CLVS1: variants seen among roughly 807,000 people sequenced by gnomAD.
CLVS1 encodes clavesin-1.
In CLVS1, 10 loss-of-function variants were observed where a neutral mutation model predicts 33.1. That is an observed-to-expected ratio of 0.30 (90% CI 0.19 to 0.51). The LOEUF (loss-of-function observed/expected upper bound fraction) is 0.51, where lower values mean the gene tolerates loss of function less well. Ranked by LOEUF, CLVS1 falls within the 20% of genes least tolerant of loss-of-function variation. The pLI, the probability that CLVS1 is intolerant of heterozygous loss-of-function variation, is 0.97. For missense variants in CLVS1, 343 were observed against 433.4 expected (o/e 0.79, Z 1.85); for synonymous variants, 163 against 166.1 (o/e 0.98, Z 0.14).
chr8:61,191,628 A>C (rs973138540), intron 2 of CLVS1, among the ~76,000 whole-genome samples: 7 of 152,218 alleles, frequency 4.6e-5, no homozygotes, highest in Admixed American at 1.3e-4. Context: ...AGAAAATCCC[A>C]TCATCTCAGC....
chr8:61,325,461 G>A (rs919884795), intron 2 of CLVS1, among the ~76,000 whole-genome samples: 1 of 152,128 alleles, frequency 6.6e-6, no homozygotes, highest in Non-Finnish European at 1.5e-5. Flanking sequence ...TTTGTTCCAA[G>A]CTATTAGTGT....
At chr8:61,227,162 T>C (rs945040797) in intron 2 of CLVS1, among the ~76,000 whole-genome samples, 2 of 152,024 alleles carry the variant, frequency 1.3e-5, no homozygotes, top group Non-Finnish European at 2.9e-5. Flanking sequence ...GCAGTGTAGA[T>C]GTGTCCTAAT....
rs200912224 is a variant in CLVS1 at position 61,087,951 on chromosome 8, C to T, written c.-243+30721C>T. Among the ~76,000 whole-genome samples the T allele has an allele frequency of 3.0e-4, 46 of 152,296 alleles. 1 individual carries two copies. The South Asian group carries it at 8.1e-3, about 27-fold the overall frequency. On this transcript the variant is annotated intron_variant, in intron 1 of 2. Coordinates refer to the CLVS1 transcript ENST00000522621. ...CAATCCTATCTTTTGTCCTGCTCCC[C>T]GTTAATCAATATCTTGATATTTGGT... is the stretch of plus-strand genomic sequence containing the variant.
rs116442547 is a variant in CLVS1, at chr8:61,166,746, G to T, written c.-152+34886G>T. Among the ~76,000 whole-genome samples, 393 of 152,102 alleles carry T rather than the reference G, an allele frequency of 2.6e-3. 1 individual carries two copies. Among genetic ancestry groups the T allele is most frequent in the African/African-American group, 9.2e-3 (381 of 41,508 alleles). Reference sequence around the variant, plus strand: ...CCCCCTTTAAAATGCAAATTTCAATGCAAAGAGCCGGGAAACAGGAATTTC... The same window carrying T: ...CCCCCTTTAAAATGCAAATTTCAATTCAAAGAGCCGGGAAACAGGAATTTC... On this transcript the variant is annotated intron_variant, in intron 2 of 2. Coordinates refer to the CLVS1 transcript ENST00000522621.
At chr8:61,436,497 T>C (rs938606957) in intron 3 of CLVS1, among the ~76,000 whole-genome samples, 43 of 152,274 alleles carry the variant, frequency 2.8e-4, no homozygotes, top group African/African-American at 9.9e-4. Flanking sequence ...TTATTCAGCC[T>C]CTCAGGAGCA....
chr8:61,005,617 C>T, the CLVS1 span, among the ~76,000 whole-genome samples: 1 of 152,148 alleles, frequency 6.6e-6, no homozygotes, highest in Non-Finnish European at 1.5e-5. Context: ...CCAAAGGTAA[C>T]AAGTATGGAC....
rs559712409 is a variant in CLVS1 at position 61,195,231 on chromosome 8, T to G, written c.-152+63371T>G. On this transcript the variant is annotated intron_variant, in intron 2 of 2. Transcript: ENST00000522621. ...ACAGAGAATCAACAAAGTCAAAAGT[T>G]TTTTTAAAGACTGATAAAATTGACA... is the stretch of plus-strand genomic sequence containing the variant. Among the ~76,000 whole-genome samples the G allele has an allele frequency of 3.3e-5, 5 of 151,916 alleles. 1 individual carries two copies. Among genetic ancestry groups the G allele is most frequent in the African/African-American group, 1.2e-4 (5 of 41,474 alleles).
At chr8:61,140,768 G>A (rs1806293611) in intron 2 of CLVS1, among the ~76,000 whole-genome samples, 1 of 151,888 alleles carries the variant, frequency 6.6e-6, no homozygotes, top group Non-Finnish European at 1.5e-5. Flanking sequence ...GGGTTTCACC[G>A]TGTTAGCCAG....
At chr8:61,488,398 A>AT (rs898802517) in intron 5 of CLVS1, among the ~76,000 whole-genome samples, 6 of 152,160 alleles carry the variant, frequency 3.9e-5, no homozygotes, top group Non-Finnish European at 8.8e-5. Context: ...GTTTAACGGA[A>AT]TTTTTTTGTT....
intron 2 of CLVS1, among the ~76,000 whole-genome samples, chr8:61,340,092 AAAAG>A (rs984254506): frequency 5.9e-5 from 9 of 151,978 alleles, no homozygotes; most frequent in East Asian, 5.8e-4. Context: ...GAAAGAAAGA[AAAAG>A]AAAGAAAAGA....
At chr8:61,495,569 A>T (rs1396156059) in intron 5 of CLVS1, among the ~76,000 whole-genome samples, 1 of 152,206 alleles carries the variant, frequency 6.6e-6, no homozygotes, top group Non-Finnish European at 1.5e-5. Context: ...ATCCAAAAGG[A>T]TGGAGATAGA....
the CLVS1 span, among the ~76,000 whole-genome samples, chr8:61,032,988 G>GAAA: frequency 1.4e-3 from 108 of 75,112 alleles, 1 homozygote; most frequent in African/African-American, 7.2e-3. Flanking sequence ...AAGGAAGGAA[G>GAAA]GAAGGAAAGA....
chr8:61,152,008 G>A (rs546799098), intron 2 of CLVS1, among the ~76,000 whole-genome samples: 11 of 152,098 alleles, frequency 7.2e-5, no homozygotes, highest in South Asian at 6.3e-4. Flanking sequence ...TTTGCCCCCC[G>A]CCCCCAGCTT....
chr8:61,030,686 G>A, the CLVS1 span, among the ~76,000 whole-genome samples: 4 of 152,190 alleles, frequency 2.6e-5, no homozygotes, highest in African/African-American at 9.7e-5. Context: ...CATCCAACCA[G>A]TATTTATTGA....
intron 3 of CLVS1, among the ~76,000 whole-genome samples, chr8:61,415,859 C>T (rs1815409700): frequency 6.6e-6 from 1 of 152,170 alleles, no homozygotes; most frequent in South Asian, 2.1e-4. Flanking sequence ...ATTTTATTTC[C>T]TATCTCCATT....
the CLVS1 span, among the ~76,000 whole-genome samples, chr8:60,998,943 A>G: frequency 2.6e-5 from 4 of 152,236 alleles, no homozygotes; most frequent in Non-Finnish European, 5.9e-5. Flanking sequence ...GAGGATGAGA[A>G]AAAAAGAAGC....
intron 2 of CLVS1, among the ~76,000 whole-genome samples, chr8:61,166,909 T>C (rs1806878387): frequency 6.6e-6 from 1 of 150,602 alleles, no homozygotes; most frequent in African/African-American, 2.4e-5. Context: ...TTAAGAACTT[T>C]CTTCTTTGGA....
chr8:60,966,315 G>A, the CLVS1 span: 4,868 of 453,460 alleles, frequency 0.011, 163 homozygotes, highest in African/African-American at 0.076. Context: ...TCCTCAAGCA[G>A]CAGCCTCTGC....
chr8:61,176,602 G>A (rs1378764976), intron 2 of CLVS1, among the ~76,000 whole-genome samples: 1 of 152,134 alleles, frequency 6.6e-6, no homozygotes, highest in African/African-American at 2.4e-5. Flanking sequence ...AGAATCAAAA[G>A]AGTGTGCGAA....
Sources: gnomAD v4.1 joint callset for allele counts (sites outside exome capture counted in the v4.1 genomes callset) on GRCh38, gnomAD v4.1.1 for gene constraint, MANE v1.5 for transcripts, NCBI Gene and HGNC (gene_info 2026-07-23, HGNC 2026-07-21) for gene names.